Variants in BAZ2B observed in about 807,000 individuals in gnomAD.
BAZ2B encodes bromodomain adjacent to zinc finger domain 2B.
In BAZ2B, 91 loss-of-function variants were observed where a neutral mutation model predicts 246.0. The ratio of observed to expected loss-of-function variants is 0.37; its 90% CI spans 0.31 to 0.44. The LOEUF is 0.44. Ranked by LOEUF, BAZ2B falls within the 20% of genes least tolerant of loss-of-function variation. BAZ2B has a pLI of 1.00. For missense variants in BAZ2B, 2,332 were observed against 2,533.7 expected (o/e 0.92, Z 1.71); for synonymous variants, 855 against 860.0 (o/e 0.99, Z 0.10).
At chr2:159,332,477 T>C (rs912924905) in intron 34 of BAZ2B, 63 bp downstream of exon 34, 10 of 1,481,854 alleles carry the variant, frequency 6.7e-6, no homozygotes, top group African/African-American at 5.8e-5. Context: ...ACTGAGACCA[T>C]GTATTAAAAA....
intron 2 of BAZ2B, among the ~76,000 whole-genome samples, chr2:159,518,689 T>C (rs1395514480): frequency 1.3e-5 from 2 of 152,182 alleles, no homozygotes; most frequent in East Asian, 1.9e-4. Context: ...AAGAACAGAA[T>C]GCCGTCTTTA....
At chr2:159,421,603 A>G (rs1404013580) in intron 13 of BAZ2B, among the ~76,000 whole-genome samples, 2 of 152,138 alleles carry the variant, frequency 1.3e-5, no homozygotes, top group Non-Finnish European at 2.9e-5. Context: ...ATATAAGCTC[A>G]CACACCTCTC....
Position 159,478,567 on chromosome 2 carries a change from G to T in BAZ2B, c.145+8C>A, listed in dbSNP as rs1278630971. The T allele has an allele frequency of 1.9e-6, 3 of 1,587,446 alleles. No homozygotes were observed. Among genetic ancestry groups the T allele is most frequent in the Non-Finnish European group, 1.7e-6 (2 of 1,169,646 alleles). ...CATTCTAAAATTGAGTTAAAAAAGG[G>T]TATTCACCACATGGGTTGATTGTAG... On this transcript the variant is annotated splice_region_variant and intron_variant, in intron 3 of 36. Transcript: ENST00000392783.
rs1288910927 is a variant in BAZ2B at position 159,324,911 on chromosome 2, A to G, written c.6253T>C (p.Phe2085Leu). The part of the protein sequence containing the change: ...EMETHEDAWP[F>L]LLPVNLKLVP... ...AGTTTCAAGTTTACAGGAAGTAGAA[A>G]AGGCCATGCATCCTCATGAGTTTCC... The change falls in exon 36 of 37, where the codon TTT (phenylalanine) becomes CTT (leucine). Residue 2085 changes from phenylalanine (F) to leucine (L), a missense_variant. This residue lies in a region of BAZ2B where 210 missense variants were observed against 232.5 expected (regional missense o/e 0.90). Transcript: ENST00000392783. The G allele has an allele frequency of 6.4e-7, 1 of 1,557,674 alleles. No homozygotes were observed. The highest frequency in any genetic ancestry group is 8.6e-7 in the Non-Finnish European group (1 of 1,160,478).
chr2:159,434,615 T>C lies in BAZ2B; in HGVS notation c.1294-1252A>G, dbSNP rs371002541. On this transcript the variant is annotated intron_variant, in intron 8 of 36. Coordinates refer to ENST00000392783, the MANE Select transcript of BAZ2B (RefSeq NM_013450.4). Reference sequence around the variant, plus strand: ...AGAAACACTCATTTATTCACCTTTATGGTCTTCCTAAGACATTGCTCAGAA... The same window carrying C: ...AGAAACACTCATTTATTCACCTTTACGGTCTTCCTAAGACATTGCTCAGAA... The C allele has an allele frequency of 3.0e-4, 46 of 152,246 alleles. No individual in the cohort carries two copies. The East Asian group carries it at 4.4e-3, about 15-fold the overall frequency. 9.4% of individuals were successfully genotyped at this position (152,246 alleles called of 1,614,324 possible).
intron 27 of BAZ2B, among the ~76,000 whole-genome samples, chr2:159,357,290 T>C (rs2059218129): frequency 6.6e-6 from 1 of 151,978 alleles, no homozygotes; most frequent in Admixed American, 6.6e-5. Context: ...AATGACCTGA[T>C]GGAGCTGAAA....
the BAZ2B span, among the ~76,000 whole-genome samples, chr2:159,659,113 T>C: frequency 7.0e-4 from 106 of 152,338 alleles, 1 homozygote; most frequent in Admixed American, 1.4e-3. Flanking sequence ...CTGGAAGAGA[T>C]TGTAGAGAAT....
chr2:159,333,125 C>A (rs2065055302), intron 33 of BAZ2B: 1 of 152,330 alleles, frequency 6.6e-6, no homozygotes, highest in Non-Finnish European at 1.5e-5. Context: ...TTTTTAAAAT[C>A]AAAATTAGAA....
chr2:159,347,627 A>T lies in BAZ2B; in HGVS notation c.5313T>A (p.Asn1771Lys), dbSNP rs753479136. 1 of 1,609,776 alleles carries T rather than the reference A, an allele frequency of 6.2e-7. No homozygotes were observed. Among genetic ancestry groups the T allele is most frequent in the Non-Finnish European group, 8.5e-7 (1 of 1,177,134 alleles). ...GAGTTACTTGGTTTTCTTCATTTTC[A>T]TTCAGTTCAATAATAGCAACTACAT... ...KNKDVAIIEL[N>K]ENEENQVTRD... The change falls in exon 31 of 37, where the codon AAT becomes AAA. Residue 1771 changes from asparagine (N) to lysine (K), a missense_variant. Asn to Lys is a moderately conservative substitution (Grantham distance 94). Coordinates refer to ENST00000392783, the MANE Select transcript of BAZ2B (RefSeq NM_013450.4).
At chr2:159,340,036 T>C (rs531447980) in intron 31 of BAZ2B, among the ~76,000 whole-genome samples, 5 of 152,194 alleles carry the variant, frequency 3.3e-5, no homozygotes, top group Admixed American at 3.3e-4. Context: ...AAACAATTCA[T>C]GATTTGAATG....
At chr2:159,427,497 A>G (rs2070175680) in intron 13 of BAZ2B, among the ~76,000 whole-genome samples, 1 of 152,192 alleles carries the variant, frequency 6.6e-6, no homozygotes, top group Admixed American at 6.5e-5. Context: ...AATGCATCAT[A>G]TAGCGTGGCA....
In BAZ2B at chr2:159,439,046, T is replaced by A. The variant is rs745766691; in HGVS notation, c.863A>T (p.Asp288Val). The A allele has an allele frequency of 6.2e-7, 1 of 1,613,736 alleles. No homozygotes were observed. The highest frequency in any genetic ancestry group is 1.3e-5 in the African/African-American group (1 of 74,930). Residue 288 changes from aspartate (D) to valine (V), a missense_variant, in exon 7 of 37, where the codon GAT becomes GTT. Asp to Val is a radical substitution (Grantham distance 152). Coordinates refer to ENST00000392783, the MANE Select transcript of BAZ2B (RefSeq NM_013450.4). ...TTTATGTTGTGCTTCACTCTCTGAA[T>A]CAGAATCATCATCTTCACTTTCTTC... is the stretch of plus-strand genomic sequence containing the variant. Reference protein sequence around the residue: ...SIEESEDDDSDSESEAQHKSN... With the variant: ...SIEESEDDDSVSESEAQHKSN...
chr2:159,477,853 G>A (rs1487236134), intron 3 of BAZ2B, among the ~76,000 whole-genome samples: 1 of 152,020 alleles, frequency 6.6e-6, no homozygotes, highest in African/African-American at 2.4e-5. Context: ...CCTTAGTTTC[G>A]CTCTTGTTGC....
intron 31 of BAZ2B, among the ~76,000 whole-genome samples, chr2:159,341,662 C>G (rs2193918): frequency 0.31 from 47,335 of 152,074 alleles, 9,732 homozygotes; most frequent in Non-Finnish European, 0.47. Flanking sequence ...GAAATCATAT[C>G]AAGTATCTTC....
chr2:159,666,595 C>G, the BAZ2B span, among the ~76,000 whole-genome samples: 2 of 152,076 alleles, frequency 1.3e-5, no homozygotes, highest in Admixed American at 1.3e-4. Flanking sequence ...ACAGGCCAGG[C>G]ATGGTAATCC....
chr2:159,703,032 A>G, the BAZ2B span, among the ~76,000 whole-genome samples: 3 of 151,630 alleles, frequency 2.0e-5, no homozygotes, highest in African/African-American at 7.3e-5. Context: ...CTACAGAGCA[A>G]GACTCCGTCT....
At chr2:159,589,243 A>G (rs1688736418) in intron 1 of BAZ2B, among the ~76,000 whole-genome samples, 1 of 152,186 alleles carries the variant, frequency 6.6e-6, no homozygotes. Flanking sequence ...AGGAGCTCAC[A>G]GTGGTATCCT....
chr2:159,558,099 A>C (rs1007213458), intron 1 of BAZ2B, among the ~76,000 whole-genome samples: 1 of 152,186 alleles, frequency 6.6e-6, no homozygotes, highest in Admixed American at 6.5e-5. Context: ...GGATAGCAAA[A>C]AAGTGAAAGA....
chr2:159,594,778 C>T (rs771621885), intron 1 of BAZ2B, among the ~76,000 whole-genome samples: 2 of 151,992 alleles, frequency 1.3e-5, no homozygotes, highest in Non-Finnish European at 2.9e-5. Context: ...ACTACAGGCG[C>T]GTGCCAACAT....
Sources: allele counts gnomAD v4.1 joint callset (sites outside exome capture counted in the v4.1 genomes callset), GRCh38; gene constraint gnomAD v4.1.1; regional missense constraint gnomAD v4.1.1; transcripts MANE v1.5; gene names NCBI Gene and HGNC (gene_info 2026-07-23, HGNC 2026-07-21).